The following FERMT1 variants were observed in gnomAD, a reference collection of about 807,000 sequenced individuals.
FERMT1 encodes the protein FERM domain containing kindlin 1.
In FERMT1, 60 loss-of-function variants were observed where a neutral mutation model predicts 85.3. The ratio of observed to expected loss-of-function variants is 0.70; its 90% CI spans 0.57 to 0.87. The LOEUF (loss-of-function observed/expected upper bound fraction) is 0.87. FERMT1 is among the 40% of genes least tolerant of loss of function. FERMT1 has a pLI of 0.00. For synonymous variants in FERMT1, 275 were observed against 301.1 expected, an observed-to-expected ratio of 0.91 and a Z score of 0.90; for missense variants, 701 against 818.9, an observed-to-expected ratio of 0.86 and a Z score of 1.76.
At chr20:6,109,055 T>C (rs906276387) in intron 5 of FERMT1, among the ~76,000 whole-genome samples, 1 of 152,146 alleles carries the variant, frequency 6.6e-6, no homozygotes, top group Non-Finnish European at 1.5e-5. Flanking sequence ...CCTGTCCACA[T>C]TTAGATATCC....
intron 9 of FERMT1, among the ~76,000 whole-genome samples, chr20:6,091,237 T>G (rs943986172): frequency 1.8e-4 from 27 of 151,750 alleles, no homozygotes; most frequent in African/African-American, 6.0e-4. Context: ...CTTTTTTTTG[T>G]TTTGTTTTTT....
intron 7 of FERMT1, 90 bp downstream of exon 7, chr20:6,097,433 CA>C (rs942608363): frequency 3.7e-4 from 332 of 891,174 alleles, no homozygotes; most frequent in Non-Finnish European, 3.4e-4. Context: ...CTTCAAAGAA[CA>C]AAAAAAAACC....
At chr20:6,122,526 T>C (rs948366024) in intron 1 of FERMT1, among the ~76,000 whole-genome samples, 3 of 152,154 alleles carry the variant, frequency 2.0e-5, no homozygotes, top group African/African-American at 7.2e-5. Flanking sequence ...GGGGCGGATG[T>C]TGGGTGGATA....
intron 4 of FERMT1, among the ~76,000 whole-genome samples, chr20:6,111,048 T>C (rs1411721132): frequency 6.6e-6 from 1 of 152,174 alleles, no homozygotes; most frequent in African/African-American, 2.4e-5. Context: ...GTGACTCTCC[T>C]GTCTGAGCCT....
At position 6,083,999 on chromosome 20, in the gene FERMT1, TTGAA is replaced by T. The variant is rs749373621; in HGVS notation, c.1718+37_1718+40del. ...GGGGCTCCCCAAAAGCCACTTAAAA[TTGAA>T]TGGAAAGTGTGAGAAACAAGTGAAC... On this transcript the variant is annotated intron_variant, in intron 13 of 14. Coordinates refer to ENST00000217289, the MANE Select transcript of FERMT1 (RefSeq NM_017671.5). The T allele has an allele frequency of 7.4e-6, 12 of 1,613,478 alleles. No individual in the cohort carries two copies. In the African/African-American group the frequency reaches 1.5e-4, roughly 20 times the overall value.
At chr20:6,099,994 AAAAG>A (rs1201486348) in intron 6 of FERMT1, among the ~76,000 whole-genome samples, 6 of 151,906 alleles carry the variant, frequency 3.9e-5, no homozygotes, top group Non-Finnish European at 7.4e-5. Context: ...AGAAAAAAAA[AAAAG>A]AGAGAGAAAA....
intron 8 of FERMT1, 114 bp downstream of exon 8, chr20:6,096,788 T>C (rs1600436001): frequency 1.0e-6 from 1 of 1,002,310 alleles, no homozygotes; most frequent in East Asian, 3.6e-5. Flanking sequence ...GCATCTTTTT[T>C]TTTTTTTTTT....
intron 11 of FERMT1, 91 bp downstream of exon 11, chr20:6,087,686 A>C (rs1238282541): frequency 1.3e-6 from 1 of 778,834 alleles, no homozygotes; most frequent in South Asian, 1.4e-5. Flanking sequence ...GAGTGACACA[A>C]TAGTGCTCTA....
At chr20:6,116,599 G>A (rs574860987) in intron 2 of FERMT1, among the ~76,000 whole-genome samples, 61 of 151,832 alleles carry the variant, frequency 4.0e-4, no homozygotes, top group African/African-American at 1.1e-3. Context: ...GTGGTGGTGC[G>A]CACCTGTTAA....
intron 9 of FERMT1, among the ~76,000 whole-genome samples, chr20:6,092,487 G>A (rs988513149): frequency 3.9e-5 from 6 of 152,078 alleles, no homozygotes; most frequent in African/African-American, 1.4e-4. Context: ...AGGCTGCAGT[G>A]AGCTGTGATC....
intron 6 of FERMT1, among the ~76,000 whole-genome samples, chr20:6,103,009 T>TA (rs954967739): frequency 2.6e-4 from 39 of 152,206 alleles, no homozygotes; most frequent in African/African-American, 8.9e-4. Context: ...TACTGAACAC[T>TA]AAAATACTAT....
chr20:6,116,376 AT>A (rs1983101148), intron 2 of FERMT1, among the ~76,000 whole-genome samples: 1 of 152,152 alleles, frequency 6.6e-6, no homozygotes, highest in South Asian at 2.1e-4. Flanking sequence ...AATAAAAAAC[AT>A]TTAAAAAATT....
chr20:6,097,401 C>T (rs1370005680), intron 7 of FERMT1, 123 bp downstream of exon 7: 4 of 753,232 alleles, frequency 5.3e-6, no homozygotes, highest in Non-Finnish European at 9.3e-6. Flanking sequence ...AAAACAATTG[C>T]TCTCCTTATT....
Position 6,109,917 on chromosome 20 carries a change from A to AG in FERMT1, c.746+380_746+381insC, listed in dbSNP as rs1555800872. 2.5e-3 allele frequency among the ~76,000 whole-genome samples: 385 copies of AG among 151,590 alleles called. 1 individual carries two copies. Among genetic ancestry groups the AG allele is most frequent in the African/African-American group, 7.1e-3 (292 of 41,250 alleles). ...AACTCCATCTCAAAAAAAAAAAAAA[A>AG]AGAGAAGAGTGACATTCTACAAAAG... On this transcript the variant is annotated intron_variant, in intron 5 of 14. Transcript: ENST00000217289.
intron 9 of FERMT1, among the ~76,000 whole-genome samples, chr20:6,091,370 C>G (rs1247508482): frequency 2.6e-5 from 4 of 151,646 alleles, no homozygotes; most frequent in Non-Finnish European, 5.9e-5. Context: ...GCTGGGATTA[C>G]AGGCACGTGC....
At chr20:6,116,622 C>T (rs928479386) in intron 2 of FERMT1, among the ~76,000 whole-genome samples, 1 of 151,140 alleles carries the variant, frequency 6.6e-6, no homozygotes, top group African/African-American at 2.4e-5. Context: ...CCAGCTACTC[C>T]AGAGGCTGAG....
At chr20:6,095,763 A>G (rs539383819) in intron 8 of FERMT1, among the ~76,000 whole-genome samples, 27 of 152,348 alleles carry the variant, frequency 1.8e-4, no homozygotes, top group African/African-American at 6.0e-4. Context: ...CTGCATCTCT[A>G]CAGAATCTTG....
rs2232075 is a variant in FERMT1, at chr20:6,084,213, G to A, written c.1594-49C>T. The A allele has an allele frequency of 1.8e-4, 291 of 1,576,334 alleles. 2 individuals carry two copies. In the African/African-American group the frequency reaches 3.6e-3, roughly 19 times the overall value. ...TCTCTTCACATGCACCGGCTGCTCT[G>A]TGATCACCCTGTTAGCTCCAGATCC... is the stretch of plus-strand genomic sequence containing the variant. On this transcript the variant is annotated intron_variant, in intron 12 of 14. Transcript: ENST00000217289.
chr20:6,085,364 C>T, intron 11 of FERMT1, 77 bp from the exon 12 acceptor site: 1 of 1,322,288 alleles, frequency 7.6e-7, no homozygotes, highest in South Asian at 1.2e-5. Flanking sequence ...CTTGGGCTTT[C>T]TACCCCATTA....
Sources: gnomAD v4.1 joint callset for allele counts (sites outside exome capture counted in the v4.1 genomes callset) on GRCh38, gnomAD v4.1.1 for gene constraint, MANE v1.5 for transcripts, NCBI Gene and HGNC (gene_info 2026-07-23, HGNC 2026-07-21) for gene names.